Variants in STPG2 observed in about 807,000 individuals in gnomAD.
STPG2 encodes the protein sperm-tail PG-rich repeat-containing protein 2.
STPG2 carries 56 observed loss-of-function variants against 54.2 expected under a neutral mutation model. The observed-to-expected ratio is 1.03, with a 90% CI of 0.83 to 1.29. The LOEUF is 1.29. STPG2 is among the 50% of genes most tolerant of loss of function. The probability of loss-of-function intolerance (pLI) is 0.00; values close to 1 mark genes in which losing one functional copy is unlikely to be tolerated. For synonymous variants in STPG2, 200 were observed against 181.8 expected (o/e 1.10, Z -0.81); for missense variants, 596 against 544.9 (o/e 1.09, Z -0.93).
chr4:97,866,390 A>G (rs992828231), intron 8 of STPG2, among the ~76,000 whole-genome samples: 11 of 152,130 alleles, frequency 7.2e-5, no homozygotes, highest in African/African-American at 2.4e-4. Context: ...CTACGTACCC[A>G]CAAAAACTAA....
At chr4:98,073,122 T>C (rs1383092806) in intron 5 of STPG2, among the ~76,000 whole-genome samples, 3 of 152,216 alleles carry the variant, frequency 2.0e-5, no homozygotes, top group Non-Finnish European at 4.4e-5. Flanking sequence ...TATTTGCAGA[T>C]GTCTTGCTAT....
intron 5 of STPG2, among the ~76,000 whole-genome samples, chr4:98,095,037 C>G (rs867529066): frequency 1.3e-5 from 2 of 151,888 alleles, no homozygotes; most frequent in Non-Finnish European, 2.9e-5. Flanking sequence ...GTTAAAAAAA[C>G]AGAGAATTAA....
intron 10 of STPG2, among the ~76,000 whole-genome samples, chr4:97,683,652 G>C (rs900924865): frequency 6.6e-6 from 1 of 151,646 alleles, no homozygotes; most frequent in Non-Finnish European, 1.5e-5. Context: ...AAAAACCAAA[G>C]ATAGCCTCAT....
chr4:97,721,680 A>G (rs1248424174), intron 9 of STPG2, among the ~76,000 whole-genome samples: 1 of 152,142 alleles, frequency 6.6e-6, no homozygotes, highest in Non-Finnish European at 1.5e-5. Context: ...TAAACAAAAC[A>G]TATTTATACA....
intron 9 of STPG2, among the ~76,000 whole-genome samples, chr4:97,765,143 T>C (rs1282673541): frequency 6.6e-6 from 1 of 152,168 alleles, no homozygotes; most frequent in Non-Finnish European, 1.5e-5. Context: ...CAGTAACAGA[T>C]ATATTCAATA....
chr4:97,674,640 TCAAA>T (rs1419298413), intron 10 of STPG2, among the ~76,000 whole-genome samples: 2 of 152,188 alleles, frequency 1.3e-5, no homozygotes, highest in African/African-American at 2.4e-5. Context: ...TTCCCTAGAT[TCAAA>T]CAATCAATCC....
intron 5 of STPG2, among the ~76,000 whole-genome samples, chr4:98,022,490 T>C (rs62318512): frequency 0.39 from 58,677 of 150,636 alleles, 11,483 homozygotes; most frequent in Middle Eastern, 0.45. Context: ...CTGACAATTA[T>C]GTGTCTTGGA....
At chr4:98,081,573 A>G (rs1578838719) in intron 5 of STPG2, among the ~76,000 whole-genome samples, 2 of 152,238 alleles carry the variant, frequency 1.3e-5, no homozygotes, top group East Asian at 3.8e-4. Flanking sequence ...TCAGCTTTAC[A>G]TGAACTATTA....
intron 10 of STPG2, among the ~76,000 whole-genome samples, chr4:97,572,422 T>A (rs1732623106): frequency 6.6e-6 from 1 of 152,178 alleles, no homozygotes; most frequent in African/African-American, 2.4e-5. Context: ...ATATCTTGGT[T>A]GAAGATCTTG....
intron 8 of STPG2, among the ~76,000 whole-genome samples, chr4:97,929,333 G>A (rs541686127): frequency 6.6e-6 from 1 of 152,118 alleles, no homozygotes; most frequent in Non-Finnish European, 1.5e-5. Context: ...ACTGCAATAA[G>A]CATTTGCATG....
intron 4 of STPG2, among the ~76,000 whole-genome samples, chr4:97,506,452 A>G (rs1730846640): frequency 3.3e-5 from 5 of 152,042 alleles, no homozygotes. Flanking sequence ...CAGACAAATA[A>G]AAACTGAAAA....
intron 9 of STPG2, among the ~76,000 whole-genome samples, chr4:97,777,695 T>C (rs569628167): frequency 7.2e-5 from 11 of 152,342 alleles, no homozygotes; most frequent in African/African-American, 2.6e-4. Context: ...TTCTGTTGCA[T>C]AAAAAGATAA....
In STPG2 at chr4:97,967,881, C is replaced by G. The variant is rs548578410; in HGVS notation, c.933+4399G>C. Among the ~76,000 whole-genome samples the G allele has an allele frequency of 5.3e-5, 8 of 152,154 alleles. No individual in the cohort carries two copies. The South Asian group carries it at 1.5e-3, about 28-fold the overall frequency. On this transcript the variant is annotated intron_variant, in intron 7 of 10. Coordinates refer to ENST00000295268, the MANE Select transcript of STPG2 (RefSeq NM_174952.3). ...AGCAGGGTGTAGAGGGAAATTTATA[C>G]TACTAAATGCCCACAAGAGAAAGCA... is the stretch of plus-strand genomic sequence containing the variant.
chr4:98,074,629 T>C (rs1198374804), intron 5 of STPG2, among the ~76,000 whole-genome samples: 1 of 152,206 alleles, frequency 6.6e-6, no homozygotes, highest in Non-Finnish European at 1.5e-5. Flanking sequence ...TCAGTCTAAA[T>C]ATTTTCCACT....
At chr4:97,506,924 A>G (rs1730856345) in intron 4 of STPG2, among the ~76,000 whole-genome samples, 3 of 152,132 alleles carry the variant, frequency 2.0e-5, no homozygotes, top group Admixed American at 2.0e-4. Context: ...CAAATATATC[A>G]GTAAATATAT....
At chr4:97,499,098 A>C (rs1730668993) in intron 4 of STPG2, among the ~76,000 whole-genome samples, 1 of 152,000 alleles carries the variant, frequency 6.6e-6, no homozygotes, top group South Asian at 2.1e-4. Context: ...GATAAGTCTA[A>C]CTACAAACAA....
At chr4:97,573,396 G>A (rs948229539) in intron 10 of STPG2, among the ~76,000 whole-genome samples, 8 of 151,930 alleles carry the variant, frequency 5.3e-5, no homozygotes, top group Non-Finnish European at 8.8e-5. Flanking sequence ...TCTGTCAGAT[G>A]CCTAAAGTCA....
intron 7 of STPG2, among the ~76,000 whole-genome samples, chr4:97,962,212 G>T (rs986558042): frequency 1.3e-5 from 2 of 152,130 alleles, no homozygotes; most frequent in African/African-American, 4.8e-5. Context: ...CAGGGGGAAT[G>T]GGTGGAAGGG....
At chr4:97,449,670 T>C (rs143729382) in intron 4 of STPG2, among the ~76,000 whole-genome samples, 2 of 152,286 alleles carry the variant, frequency 1.3e-5, no homozygotes, top group East Asian at 1.9e-4. Flanking sequence ...GAATGCCATA[T>C]AATAGGATAG....
Sources: gnomAD v4.1 joint callset for allele counts (sites outside exome capture counted in the v4.1 genomes callset) on GRCh38, gnomAD v4.1.1 for gene constraint, MANE v1.5 for transcripts, NCBI Gene and HGNC (gene_info 2026-07-23, HGNC 2026-07-21) for gene names.